The following SDK1 variants were observed in gnomAD, a reference collection of about 807,000 sequenced individuals.
SDK1 encodes the protein protein sidekick-1.
Under a neutral mutation model 245.5 loss-of-function variants are expected in SDK1, and 157 were observed. The observed-to-expected ratio is 0.64, with a 90% CI of 0.56 to 0.73. The LOEUF (loss-of-function observed/expected upper bound fraction) is 0.73. Ranked by LOEUF, SDK1 falls within the 30% of genes least tolerant of loss-of-function variation. The pLI is 0.00. For missense variants in SDK1, 3,583 were observed against 3,002.3 expected (o/e 1.19, Z -4.52); for synonymous variants, 1,647 against 1,278.5 (o/e 1.29, Z -6.15).
intron 5 of SDK1, among the ~76,000 whole-genome samples, chr7:3,912,879 G>T (rs1343239453): frequency 9.2e-5 from 14 of 152,132 alleles, no homozygotes; most frequent in Non-Finnish European, 2.1e-4. Flanking sequence ...AAAAAAAAGT[G>T]CAGTGACCTT....
intron 4 of SDK1, among the ~76,000 whole-genome samples, chr7:3,725,496 G>A (rs1778981555): frequency 6.6e-6 from 1 of 152,168 alleles, no homozygotes; most frequent in African/African-American, 2.4e-5. Context: ...AAGAAACTGT[G>A]ATGAGATCCC....
intron 12 of SDK1, 120 bp from the exon 13 acceptor site, chr7:3,974,249 C>G (rs1450400018): frequency 4.2e-6 from 3 of 707,914 alleles, no homozygotes; most frequent in African/African-American, 3.6e-5. Context: ...GAGCACAGTT[C>G]AGTGGTTTTT....
chr7:4,034,889 G>A (rs73673257), intron 17 of SDK1, among the ~76,000 whole-genome samples: 5,884 of 152,284 alleles, frequency 0.039, 358 homozygotes, highest in African/African-American at 0.13. Flanking sequence ...GAAAAAGAAG[G>A]TACCAAAATA....
intron 4 of SDK1, among the ~76,000 whole-genome samples, chr7:3,676,414 C>T (rs574779000): frequency 2.0e-5 from 3 of 151,704 alleles, no homozygotes; most frequent in Non-Finnish European, 1.5e-5. Context: ...CAAGCTCCAC[C>T]TCCCAGGTTC....
At chr7:3,433,803 T>C (rs574564051) in intron 1 of SDK1, among the ~76,000 whole-genome samples, 1 of 141,426 alleles carries the variant, frequency 7.1e-6, no homozygotes, top group East Asian at 1.9e-4. Flanking sequence ...TGAACATGGC[T>C]CTTGTAAATC....
intron 4 of SDK1, among the ~76,000 whole-genome samples, chr7:3,819,861 A>G (rs1364823964): frequency 6.6e-6 from 1 of 152,216 alleles, no homozygotes; most frequent in Non-Finnish European, 1.5e-5. Context: ...GGTAGCAGGA[A>G]GAAAAAGGAT....
At chr7:4,251,097 T>A (rs1787264748) in intron 44 of SDK1, among the ~76,000 whole-genome samples, 1 of 152,244 alleles carries the variant, frequency 6.6e-6, no homozygotes, top group Non-Finnish European at 1.5e-5. Flanking sequence ...GGGTCACTGA[T>A]ATATGTTGTA....
intron 21 of SDK1, 101 bp from the exon 22 acceptor site, chr7:4,079,362 T>C: frequency 7.2e-7 from 1 of 1,386,196 alleles, no homozygotes; most frequent in Non-Finnish European, 1.0e-6. Flanking sequence ...TGGTATAGAA[T>C]CGTTTTGAAA....
rs768030496 is a variant in SDK1 at position 3,987,156 on chromosome 7, CTT to C, written c.1995-26_1995-25del. 4 of 1,612,874 alleles carry C rather than the reference CTT, an allele frequency of 2.5e-6. No individual in the cohort carries two copies. The South Asian group carries it at 3.3e-5, about 13-fold the overall frequency. On this transcript the variant is annotated intron_variant, in intron 13 of 44. Coordinates refer to ENST00000404826, the MANE Select transcript of SDK1 (RefSeq NM_152744.4). ...CATGGATTCTGACATGTGTTTTCCT[CTT>C]TTTCCTTTTCATCCCATTCAATTCA...
At chr7:3,413,423 A>G (rs1779268837) in intron 1 of SDK1, among the ~76,000 whole-genome samples, 1 of 152,182 alleles carries the variant, frequency 6.6e-6, no homozygotes, top group Non-Finnish European at 1.5e-5. Context: ...AGCCAGGTGC[A>G]GTGGCTCACA....
chr7:3,419,494 C>T (rs545887781), intron 1 of SDK1, among the ~76,000 whole-genome samples: 82 of 152,218 alleles, frequency 5.4e-4, no homozygotes, highest in African/African-American at 1.8e-3. Context: ...TTCTCCCACC[C>T]GGCAGGTCCG....
intron 32 of SDK1, among the ~76,000 whole-genome samples, chr7:4,172,523 C>T (rs1781911521): frequency 6.6e-6 from 1 of 152,190 alleles, no homozygotes; most frequent in South Asian, 2.1e-4. Flanking sequence ...AAACATCCAA[C>T]CCCTCCTGGT....
chr7:3,935,314 G>C (rs142880415), intron 5 of SDK1, among the ~76,000 whole-genome samples: 1 of 152,240 alleles, frequency 6.6e-6, no homozygotes, highest in East Asian at 1.9e-4. Flanking sequence ...AAAACTCCTA[G>C]AAGAAAACTT....
At chr7:3,784,653 C>T (rs909391814) in intron 4 of SDK1, among the ~76,000 whole-genome samples, 2 of 152,142 alleles carry the variant, frequency 1.3e-5, no homozygotes, top group African/African-American at 4.8e-5. Flanking sequence ...ATTGAAATCA[C>T]AATGAGAAAC....
chr7:3,833,531 C>A (rs546575336), intron 5 of SDK1, among the ~76,000 whole-genome samples: 5 of 152,066 alleles, frequency 3.3e-5, no homozygotes, highest in Admixed American at 6.5e-5. Flanking sequence ...GAATTTATAT[C>A]AGATTTATAT....
intron 41 of SDK1, among the ~76,000 whole-genome samples, chr7:4,235,755 G>A (rs1786124296): frequency 6.6e-6 from 1 of 152,206 alleles, no homozygotes; most frequent in African/African-American, 2.4e-5. Context: ...ATCAGACGCA[G>A]AGCTGGCCTT....
At chr7:3,820,295 G>A (rs957746947) in intron 4 of SDK1, among the ~76,000 whole-genome samples, 9 of 152,114 alleles carry the variant, frequency 5.9e-5, no homozygotes, top group Non-Finnish European at 1.3e-4. Context: ...GACTACAGGC[G>A]TGTGCCACCA....
chr7:3,417,097 C>T (rs1165000640), intron 1 of SDK1, among the ~76,000 whole-genome samples: 2 of 152,082 alleles, frequency 1.3e-5, no homozygotes, highest in Non-Finnish European at 2.9e-5. Flanking sequence ...TCCCCTGAAC[C>T]CAGGAGGTGG....
intron 5 of SDK1, among the ~76,000 whole-genome samples, chr7:3,866,831 A>C (rs1308272199): frequency 6.6e-6 from 1 of 152,172 alleles, no homozygotes; most frequent in Non-Finnish European, 1.5e-5. Context: ...ACAGACTGTG[A>C]AGGACTTTGA....
Sources: allele counts gnomAD v4.1 joint callset (sites outside exome capture counted in the v4.1 genomes callset), GRCh38; gene constraint gnomAD v4.1.1; transcripts MANE v1.5; gene names NCBI Gene and HGNC (gene_info 2026-07-23, HGNC 2026-07-21).